Variants in CHST11 observed in about 807,000 individuals in gnomAD.
The protein encoded by CHST11 is carbohydrate sulfotransferase 11.
CHST11 carries 9 observed loss-of-function variants against 30.4 expected under a neutral mutation model. That is an observed-to-expected ratio of 0.30 (90% CI 0.18 to 0.52). The LOEUF (loss-of-function observed/expected upper bound fraction) is 0.52, where lower values mean the gene tolerates loss of function less well. CHST11 is among the 20% of genes least tolerant of loss of function. The pLI, the probability that CHST11 is intolerant of heterozygous loss-of-function variation, is 0.97. For missense variants in CHST11, 348 were observed against 460.6 expected, an observed-to-expected ratio of 0.76 and a Z score of 2.24; for synonymous variants, 152 against 187.8, an observed-to-expected ratio of 0.81 and a Z score of 1.56.
At chr12:104,561,248 C>T (rs971728671) in intron 1 of CHST11, among the ~76,000 whole-genome samples, 7 of 152,186 alleles carry the variant, frequency 4.6e-5, no homozygotes, top group Non-Finnish European at 8.8e-5. Flanking sequence ...GATGTGGCGA[C>T]GCCATGGCAT....
rs940231927 is a variant in CHST11 at position 104,569,968 on chromosome 12, C to T, written c.119-31938C>T. ...TGGGCCATCTGAACAGCCCCCTCCA[C>T]GGTCTGCAACATTTCTACATTCTGA... On this transcript the variant is annotated intron_variant, in intron 1 of 2. Coordinates refer to ENST00000303694, the MANE Select transcript of CHST11 (RefSeq NM_018413.6). Among the ~76,000 whole-genome samples the T allele has an allele frequency of 1.4e-4, 21 of 152,292 alleles. 1 individual carries two copies. The highest frequency in any genetic ancestry group is 5.2e-4 in the Admixed American group (8 of 15,296).
intron 2 of CHST11, among the ~76,000 whole-genome samples, chr12:104,756,607 G>A (rs955552017): frequency 2.7e-5 from 4 of 150,728 alleles, no homozygotes; most frequent in African/African-American, 4.9e-5. Flanking sequence ...GAGCACAGTG[G>A]CACAGTCATA....
At chr12:104,639,497 G>C (rs749214484) in intron 2 of CHST11, among the ~76,000 whole-genome samples, 1 of 152,142 alleles carries the variant, frequency 6.6e-6, no homozygotes, top group African/African-American at 2.4e-5. Context: ...ATTTTTTCAT[G>C]AGGCAGCCAA....
At chr12:104,736,695 G>A (rs751418479) in intron 2 of CHST11, among the ~76,000 whole-genome samples, 3 of 152,156 alleles carry the variant, frequency 2.0e-5, no homozygotes, top group Non-Finnish European at 2.9e-5. Context: ...TGATTTACCC[G>A]GAGTTGGCAG....
At chr12:104,619,696 T>G (rs2039142338) in intron 2 of CHST11, among the ~76,000 whole-genome samples, 1 of 152,180 alleles carries the variant, frequency 6.6e-6, no homozygotes, top group South Asian at 2.1e-4. Context: ...GGGCTGCCCA[T>G]TTTGAAGAAG....
chr12:104,545,820 TTGCTCTCTGTCTCTC>T (rs2038341174), intron 1 of CHST11, among the ~76,000 whole-genome samples: 2 of 109,340 alleles, frequency 1.8e-5, no homozygotes, highest in African/African-American at 3.0e-5. Flanking sequence ...TCTCTCTCTC[TTGCTCTCTGTCTCTC>T]TTTTTTTAAA....
chr12:104,730,802 T>C (rs760268689), intron 2 of CHST11, among the ~76,000 whole-genome samples: 1 of 152,148 alleles, frequency 6.6e-6, no homozygotes, highest in Non-Finnish European at 1.5e-5. Flanking sequence ...AGTGGCCAGG[T>C]TGAATCCAAG....
At chr12:104,675,219 G>A (rs1303781419) in intron 2 of CHST11, among the ~76,000 whole-genome samples, 1 of 152,164 alleles carries the variant, frequency 6.6e-6, no homozygotes, top group Non-Finnish European at 1.5e-5. Flanking sequence ...GACGATAGTC[G>A]TCATTATTTT....
At chr12:104,720,424 C>T (rs1024645111) in intron 2 of CHST11, among the ~76,000 whole-genome samples, 2 of 152,236 alleles carry the variant, frequency 1.3e-5, no homozygotes, top group African/African-American at 2.4e-5. Context: ...CTGAGGGCTG[C>T]GTGCAGCCTC....
Position 104,467,600 on chromosome 12 carries a change from G to A in CHST11, c.118+10071G>A, listed in dbSNP as rs59677130. Among the ~76,000 whole-genome samples, 775 of 152,258 alleles carry A rather than the reference G, an allele frequency of 5.1e-3. 5 individuals are homozygous for A. The highest frequency in any genetic ancestry group is 0.018 in the African/African-American group (735 of 41,540). ...CTTGGGTTCTGTCTCATGTAGATAT[G>A]GATAGAGACAAAGAAACCTGGTAAT... On this transcript the variant is annotated intron_variant, in intron 1 of 2. Transcript: ENST00000303694.
intron 1 of CHST11, among the ~76,000 whole-genome samples, chr12:104,460,232 C>T (rs919848544): frequency 2.6e-5 from 4 of 152,128 alleles, no homozygotes; most frequent in African/African-American, 4.8e-5. Flanking sequence ...CAGCATGGCA[C>T]GGATTGTGTA....
At position 104,457,215 on chromosome 12, in the gene CHST11, C is replaced by A. The variant is rs111635889; in HGVS notation, c.-197C>A. The A allele has an allele frequency of 1.3e-3, 643 of 513,436 alleles. 6 individuals are homozygous for A. Among genetic ancestry groups the A allele is most frequent in the African/African-American group, 0.011 (579 of 50,400 alleles). 31.8% of individuals were successfully genotyped at this position (513,436 alleles called of 1,614,324 possible). A position where few individuals can be genotyped will look rare whatever the true frequency, so the allele number is the denominator to read the frequency against. On this transcript the variant is annotated 5_prime_UTR_variant, in exon 1 of 3. Coordinates refer to ENST00000303694, the MANE Select transcript of CHST11 (RefSeq NM_018413.6). ...GTCCACGCATCTCAGCACTTCCAGA[C>A]CAACTCCGGCACCTTCCACACCCCT...
rs17035989 is a variant in CHST11 at position 104,623,406 on chromosome 12, C to T, written c.204+21415C>T. Reference sequence around the variant, plus strand: ...ATGTACGGTCGAGGTCCAGGCCACCCGTGGTAGATAAAAGTGCATGTGGGC... The same window carrying T: ...ATGTACGGTCGAGGTCCAGGCCACCTGTGGTAGATAAAAGTGCATGTGGGC... On this transcript the variant is annotated intron_variant, in intron 2 of 2. Coordinates refer to ENST00000303694, the MANE Select transcript of CHST11 (RefSeq NM_018413.6). 7.0e-3 allele frequency among the ~76,000 whole-genome samples: 1,072 copies of T among 152,270 alleles called. 50 individuals carry two copies. In the East Asian group the frequency reaches 0.11, roughly 16 times the overall value.
chr12:104,518,277 A>G (rs1232242995), intron 1 of CHST11, among the ~76,000 whole-genome samples: 1 of 151,966 alleles, frequency 6.6e-6, no homozygotes, highest in Non-Finnish European at 1.5e-5. Context: ...AGAGAGCGAG[A>G]CCCTGTCTCA....
At chr12:104,756,881 A>T in intron 2 of CHST11, 68 bp from the exon 3 acceptor site, 1 of 1,534,178 alleles carries the variant, frequency 6.5e-7, no homozygotes, top group Non-Finnish European at 8.8e-7. Context: ...TTTATGATCT[A>T]CTTGTAGCCA....
rs190621449 is a variant in CHST11, at chr12:104,482,078, T to C, written c.118+24549T>C. Among the ~76,000 whole-genome samples the C allele has an allele frequency of 3.5e-4, 53 of 152,212 alleles. No individual in the cohort carries two copies. In the South Asian group the frequency reaches 6.8e-3, roughly 20 times the overall value. On this transcript the variant is annotated intron_variant, in intron 1 of 2. Transcript: ENST00000303694. ...GTTGGCCAGGCTGGTTTCAAACTCC[T>C]GACCTCAAGCGATCCACCCACCTCA...
intron 2 of CHST11, among the ~76,000 whole-genome samples, chr12:104,683,900 T>C (rs1486219488): frequency 6.6e-6 from 1 of 152,174 alleles, no homozygotes; most frequent in Non-Finnish European, 1.5e-5. Flanking sequence ...AGTTCCATCA[T>C]GCTAGCATCT....
intron 1 of CHST11, among the ~76,000 whole-genome samples, chr12:104,547,746 G>A (rs898841102): frequency 3.0e-4 from 46 of 151,980 alleles, no homozygotes; most frequent in Non-Finnish European, 6.0e-4. Context: ...AATCTTTTTT[G>A]GGTTTCAATT....
intron 1 of CHST11, among the ~76,000 whole-genome samples, chr12:104,531,514 A>G (rs2038184457): frequency 6.6e-6 from 1 of 151,594 alleles, no homozygotes; most frequent in Non-Finnish European, 1.5e-5. Flanking sequence ...AGTGACATGG[A>G]TACAAAGGAT....
Sources: allele counts gnomAD v4.1 joint callset (sites outside exome capture counted in the v4.1 genomes callset), GRCh38; gene constraint gnomAD v4.1.1; transcripts MANE v1.5; gene names NCBI Gene and HGNC (gene_info 2026-07-23, HGNC 2026-07-21).